HTR2C: variants seen among roughly 807,000 people sequenced by gnomAD.
HTR2C encodes the protein 5-hydroxytryptamine receptor 2C, also known as 5-hydroxytryptamine (serotonin) receptor 2C, G protein-coupled.
A neutral mutation model predicts 21.0 loss-of-function variants in HTR2C; 5 were observed. The ratio of observed to expected loss-of-function variants is 0.24; its 90% CI spans 0.12 to 0.50. The LOEUF is 0.50. Ranked by LOEUF, HTR2C falls within the 20% of genes least tolerant of loss-of-function variation. The pLI, the probability that HTR2C is intolerant of heterozygous loss-of-function variation, is 0.98. For synonymous variants in HTR2C, 150 were observed against 145.3 expected (o/e 1.03, Z -0.23); for missense variants, 271 against 371.2 (o/e 0.73, Z 2.22).
chrX:114,763,258 G>A (rs782687138), intron 4 of HTR2C: 3 of 125,495 alleles, frequency 2.4e-5, no homozygotes, highest in African/African-American at 9.7e-5. Context: ...CTCCGCTGAC[G>A]CTTTGCCATT....
At chrX:114,705,263 C>T (rs1455051925) in intron 2 of HTR2C, among the ~76,000 whole-genome samples, 14 of 111,136 alleles carry the variant, frequency 1.3e-4, no homozygotes, top group Non-Finnish European at 2.1e-4. Flanking sequence ...AATCCTAAAC[C>T]AAAAGAACAA....
At chrX:114,806,283 C>A (rs373847841) in intron 4 of HTR2C, among the ~76,000 whole-genome samples, 1 of 98,102 alleles carries the variant, frequency 1.0e-5, no homozygotes, top group East Asian at 3.3e-4. Context: ...TATATATACA[C>A]ACCATATAGA....
intron 4 of HTR2C, among the ~76,000 whole-genome samples, chrX:114,738,461 A>G (rs1251094917): frequency 8.9e-6 from 1 of 111,930 alleles, no homozygotes; most frequent in Non-Finnish European, 1.9e-5. Context: ...ACATTAAAAA[A>G]GAATACACCA....
At chrX:114,731,712 GA>G (rs782577533) in intron 4 of HTR2C, 105 bp downstream of exon 4, 1 of 603,273 alleles carries the variant, frequency 1.7e-6, no homozygotes, top group East Asian at 3.5e-5. Context: ...TTTGGAAAAA[GA>G]AAAAAGCAAA....
At chrX:114,633,932 G>GTATATA (rs1332332101) in intron 2 of HTR2C, among the ~76,000 whole-genome samples, 4 of 89,426 alleles carry the variant, frequency 4.5e-5, no homozygotes, top group African/African-American at 1.7e-4. Context: ...ATATGCATGT[G>GTATATA]TATATATATA....
intron 4 of HTR2C, among the ~76,000 whole-genome samples, chrX:114,836,179 C>T (rs782428504): frequency 2.2e-3 from 240 of 109,842 alleles, no homozygotes; most frequent in Middle Eastern, 4.7e-3. Context: ...GCCCTGCCCC[C>T]GGAGGTGGAG....
rs184122598 is a variant in HTR2C at position 114,682,951 on chromosome X, C to T, written c.-79-43907C>T. ...ATTATTCAACTGTATCTAGAAGATT[C>T]CCTTTCTGCCAAATTGGAAAATAGG... On this transcript the variant is annotated intron_variant, in intron 2 of 5. Transcript: ENST00000276198. Among the ~76,000 whole-genome samples the T allele has an allele frequency of 2.7e-5, 3 of 111,686 alleles. No individual in the cohort carries two copies. The Admixed American group carries it at 2.9e-4, about 11-fold the overall frequency.
chrX:114,869,561 T>G (rs936774939), intron 5 of HTR2C, among the ~76,000 whole-genome samples: 1 of 112,593 alleles, frequency 8.9e-6, no homozygotes, highest in Non-Finnish European at 1.9e-5. Flanking sequence ...ATAGTTCTCT[T>G]GTGGAGTCTT....
At chrX:114,807,680 T>G (rs1384685309) in intron 4 of HTR2C, among the ~76,000 whole-genome samples, 1 of 9,657 alleles carries the variant, frequency 1.0e-4, no homozygotes, top group African/African-American at 1.8e-4. Context: ...TATTTATTCA[T>G]TTTTTTTTTT....
chrX:114,743,347 G>A (rs1411719030), intron 4 of HTR2C, among the ~76,000 whole-genome samples: 1 of 111,425 alleles, frequency 9.0e-6, no homozygotes, highest in Non-Finnish European at 1.9e-5. Flanking sequence ...TTCAACCATT[G>A]TAAAGCAGCT....
intron 2 of HTR2C, among the ~76,000 whole-genome samples, chrX:114,629,905 T>C (rs782369963): frequency 3.4e-3 from 379 of 111,262 alleles, no homozygotes; most frequent in African/African-American, 0.012. Flanking sequence ...ACACTATTAA[T>C]TAGAGTAGTG....
At chrX:114,762,399 T>C (rs1388833268) in intron 4 of HTR2C, among the ~76,000 whole-genome samples, 4 of 111,481 alleles carry the variant, frequency 3.6e-5, no homozygotes, top group Admixed American at 9.6e-5. Context: ...TCAAAACATA[T>C]ACAGTTTATG....
At chrX:114,640,842 C>G (rs898529431) in intron 2 of HTR2C, among the ~76,000 whole-genome samples, 11 of 109,849 alleles carry the variant, frequency 1.0e-4, no homozygotes, top group Non-Finnish European at 1.5e-4. Flanking sequence ...TATTTTATTG[C>G]GCTGTTTCTC....
chrX:114,634,748 G>A (rs1374923875), intron 2 of HTR2C, among the ~76,000 whole-genome samples: 1 of 110,913 alleles, frequency 9.0e-6, no homozygotes, highest in Non-Finnish European at 1.9e-5. Context: ...TGAGGTAGAG[G>A]TTGCGGTGAG....
rs186689468 is a variant in HTR2C, at chrX:114,748,695, A to C, written c.349+17088A>C. ...TTGGAAATCCACATTCAGAAAAAAAACCTGAATTCATATTTTACACCTTCT... is the reference window on the plus strand; with the variant it reads ...TTGGAAATCCACATTCAGAAAAAAACCCTGAATTCATATTTTACACCTTCT... On this transcript the variant is annotated intron_variant, in intron 4 of 5. Transcript: ENST00000276198. Among the ~76,000 whole-genome samples the C allele has an allele frequency of 2.5e-3, 286 of 112,393 alleles. 1 individual carries two copies. Among genetic ancestry groups the C allele is most frequent in the Non-Finnish European group, 4.5e-3 (239 of 53,248 alleles).
chrX:114,764,910 TCTTTCTTTCTTTCTTTTCCTTCCTTCC>T (rs2069926411), intron 4 of HTR2C, among the ~76,000 whole-genome samples: 1 of 70,124 alleles, frequency 1.4e-5, no homozygotes, highest in East Asian at 7.5e-4. Flanking sequence ...TTTCTTTCTT[TCTTTCTTTCTTTCTTTTCCTTCCTTCC>T]TTCCTTCCTT....
chrX:114,776,071 A>T (rs1442166729), intron 4 of HTR2C: 2 of 457,270 alleles, frequency 4.4e-6, no homozygotes, highest in Non-Finnish European at 7.7e-6. Context: ...AATGGCTGAC[A>T]ATTCGGTTGT....
intron 2 of HTR2C, among the ~76,000 whole-genome samples, chrX:114,700,699 C>G (rs1556416521): frequency 8.9e-6 from 1 of 112,257 alleles, no homozygotes; most frequent in African/African-American, 3.2e-5. Context: ...GAGTGCCAGA[C>G]AATGGGCGCA....
At chrX:114,831,343 AT>A (rs1315849511) in intron 4 of HTR2C, among the ~76,000 whole-genome samples, 3 of 59,081 alleles carry the variant, frequency 5.1e-5, no homozygotes, top group Admixed American at 2.6e-4. Context: ...ATTTCTCCAC[AT>A]TCTCTCCAGC....
Sources: gnomAD v4.1 joint callset for allele counts (sites outside exome capture counted in the v4.1 genomes callset) on GRCh38, gnomAD v4.1.1 for gene constraint, MANE v1.5 for transcripts, NCBI Gene and HGNC (gene_info 2026-07-23, HGNC 2026-07-21) for gene names.